The following ENTREP2 variants were observed in gnomAD, a reference collection of about 807,000 sequenced individuals.
ENTREP2 encodes the protein endosomal transmembrane epsin interactor 2.
chr15:29,391,917 C>T, the ENTREP2 span, among the ~76,000 whole-genome samples: 3 of 152,194 alleles, frequency 2.0e-5, no homozygotes, highest in Non-Finnish European at 2.9e-5. Context: ...CTCCGCCTCC[C>T]GGGTTCACGC....
chr15:29,502,521 T>G, the ENTREP2 span, among the ~76,000 whole-genome samples: 2 of 151,954 alleles, frequency 1.3e-5, no homozygotes, highest in African/African-American at 2.4e-5. Context: ...CTGTGCAACT[T>G]TGAGTTAAGG....
the ENTREP2 span, among the ~76,000 whole-genome samples, chr15:29,530,295 T>G: frequency 6.6e-6 from 1 of 152,134 alleles, no homozygotes; most frequent in Admixed American, 6.5e-5. Context: ...GGTGCTGGGT[T>G]GTCATAATGG....
At chr15:29,195,950 AAAAAT>A in the ENTREP2 span, among the ~76,000 whole-genome samples, 6 of 152,370 alleles carry the variant, frequency 3.9e-5, no homozygotes, top group African/African-American at 7.2e-5. Context: ...ACTCGGAAGA[AAAAAT>A]AAAATAATAT....
the ENTREP2 span, among the ~76,000 whole-genome samples, chr15:29,409,395 G>A: frequency 6.7e-6 from 1 of 150,230 alleles, no homozygotes; most frequent in African/African-American, 2.5e-5. Flanking sequence ...AGGCAATCTC[G>A]GCTCACTGCA....
chr15:29,122,541 G>C, the ENTREP2 span: 1 of 152,280 alleles, frequency 6.6e-6, no homozygotes, highest in Non-Finnish European at 1.5e-5. Context: ...CTGGGAATCG[G>C]CACTTGTTGT....
At chr15:29,227,969 A>T in the ENTREP2 span, among the ~76,000 whole-genome samples, 1 of 144,860 alleles carries the variant, frequency 6.9e-6, no homozygotes, top group African/African-American at 2.5e-5. Flanking sequence ...AAGTAGACAA[A>T]ACTTGCCGAT....
chr15:29,536,391 A>G, the ENTREP2 span, among the ~76,000 whole-genome samples: 1 of 152,166 alleles, frequency 6.6e-6, no homozygotes, highest in East Asian at 1.9e-4. Context: ...CCGAGGCACT[A>G]CATTAACCAA....
chr15:29,510,893 A>T, the ENTREP2 span, among the ~76,000 whole-genome samples: 1 of 152,102 alleles, frequency 6.6e-6, no homozygotes, highest in Non-Finnish European at 1.5e-5. Flanking sequence ...CTTTGCAGGG[A>T]CATGGATGAA....
the ENTREP2 span, among the ~76,000 whole-genome samples, chr15:29,469,334 G>C: frequency 3.1e-4 from 47 of 152,192 alleles, no homozygotes; most frequent in Admixed American, 1.4e-3. Flanking sequence ...TGGGTAGCTG[G>C]AATTACAGGC....
At chr15:29,575,241 C>A in the ENTREP2 span, among the ~76,000 whole-genome samples, 1 of 152,146 alleles carries the variant, frequency 6.6e-6, no homozygotes, top group South Asian at 2.1e-4. Context: ...ATTGCACAAG[C>A]CCCTAGGAGC....
the ENTREP2 span, chr15:29,137,143 C>G: frequency 1.8e-5 from 27 of 1,478,430 alleles, no homozygotes; most frequent in Non-Finnish European, 1.2e-5. Flanking sequence ...AGAACGGTGC[C>G]GTGAGGAGTC....
At chr15:29,576,830 C>T in the ENTREP2 span, among the ~76,000 whole-genome samples, 11 of 152,268 alleles carry the variant, frequency 7.2e-5, no homozygotes, top group South Asian at 2.1e-4. Context: ...GTTTTTGAGA[C>T]GGAGTCTCGC....
the ENTREP2 span, among the ~76,000 whole-genome samples, chr15:29,402,768 G>A: frequency 3.3e-5 from 5 of 152,306 alleles, no homozygotes; most frequent in South Asian, 1.0e-3. Flanking sequence ...AAGTTACCAT[G>A]GTTATCTCCA....
chr15:29,398,939 T>A, the ENTREP2 span, among the ~76,000 whole-genome samples: 1 of 151,956 alleles, frequency 6.6e-6, no homozygotes, highest in Non-Finnish European at 1.5e-5. Flanking sequence ...GTTGAGTTCA[T>A]CAAAAGGGAA....
At chr15:29,543,148 TAC>T in the ENTREP2 span, among the ~76,000 whole-genome samples, 1 of 151,460 alleles carries the variant, frequency 6.6e-6, no homozygotes, top group Admixed American at 6.6e-5. Flanking sequence ...TGAGACTGTC[TAC>T]ATGACATGTT....
the ENTREP2 span, among the ~76,000 whole-genome samples, chr15:29,389,214 A>T: frequency 6.6e-6 from 1 of 151,816 alleles, no homozygotes; most frequent in Admixed American, 6.5e-5. Context: ...AAGCTTGCTG[A>T]CACCCTGATT....
chr15:29,524,068 C>T, the ENTREP2 span, among the ~76,000 whole-genome samples: 1 of 152,112 alleles, frequency 6.6e-6, no homozygotes, highest in East Asian at 1.9e-4. Context: ...CTTCAATGGA[C>T]ACCATCAAGA....
the ENTREP2 span, among the ~76,000 whole-genome samples, chr15:29,401,405 T>C: frequency 4.6e-5 from 7 of 152,288 alleles, no homozygotes; most frequent in East Asian, 5.8e-4. Flanking sequence ...TGTAACAGAA[T>C]GCGTAGACCT....
the ENTREP2 span, among the ~76,000 whole-genome samples, chr15:29,193,011 G>A: frequency 5.9e-5 from 9 of 152,272 alleles, no homozygotes; most frequent in South Asian, 8.3e-4. Flanking sequence ...AAAACTTAGC[G>A]CTAACATTAT....
Sources: allele counts gnomAD v4.1 joint callset (sites outside exome capture counted in the v4.1 genomes callset), GRCh38; gene constraint gnomAD v4.1.1; transcripts MANE v1.5; gene names NCBI Gene and HGNC (gene_info 2026-07-23, HGNC 2026-07-21).